ACAN: variants seen among roughly 807,000 people sequenced by gnomAD.
ACAN encodes aggrecan core protein.
ACAN carries 47 observed loss-of-function variants against 169.1 expected under a neutral mutation model. That is an observed-to-expected ratio of 0.28 (90% confidence interval 0.22 to 0.35). The LOEUF is 0.35. Ranked by LOEUF, ACAN falls within the 10% of genes least tolerant of loss-of-function variation. ACAN has a pLI of 1.00. For synonymous variants in ACAN, 1,115 were observed against 1,112.2 expected (o/e 1.00, Z -0.05); for missense variants, 2,716 against 2,759.9 (o/e 0.98, Z 0.36).
chr15:88,852,195 A>G (rs901890144), intron 11 of ACAN, among the ~76,000 whole-genome samples, 162 bp downstream of exon 11: 1 of 152,176 alleles, frequency 6.6e-6, no homozygotes, highest in Non-Finnish European at 1.5e-5. Flanking sequence ...CAGCCACCTC[A>G]GCTGGCCTCT....
At chr15:88,845,428 A>G in intron 6 of ACAN, 77 bp from the exon 7 acceptor site, 1 of 1,514,868 alleles carries the variant, frequency 6.6e-7, no homozygotes, top group Non-Finnish European at 8.9e-7. Flanking sequence ...AGCCATGCTC[A>G]TCTCCAGCCC....
At chr15:88,826,706 G>A (rs1207548429) in intron 1 of ACAN, among the ~76,000 whole-genome samples, 1 of 152,148 alleles carries the variant, frequency 6.6e-6, no homozygotes, top group Non-Finnish European at 1.5e-5. Flanking sequence ...GAACTAATTA[G>A]TGATGCATTT....
rs532759557 is a variant in ACAN at position 88,852,690 on chromosome 15, A to C, written c.2266+657A>C. The stretch of plus-strand genomic sequence containing the variant: ...ACCTTCTCAGAGCCTTGAATGTGCT[A>C]ATGTGCACTGTGAGTCTCCAAGAGG... On this transcript the variant is annotated intron_variant, in intron 11 of 18. Coordinates refer to ENST00000560601, the MANE Select transcript of ACAN (RefSeq NM_001369268.1). Among the ~76,000 whole-genome samples, 21 of 152,324 alleles carry C rather than the reference A, an allele frequency of 1.4e-4. No individual in the cohort carries two copies. The South Asian group carries it at 4.4e-3, about 32-fold the overall frequency.
At chr15:88,813,833 C>A (rs1396034022) in intron 1 of ACAN, among the ~76,000 whole-genome samples, 1 of 151,366 alleles carries the variant, frequency 6.6e-6, no homozygotes, top group African/African-American at 2.4e-5. Flanking sequence ...TCTTCTCAGC[C>A]ACTAGGGTCC....
chr15:88,867,069 G>C (rs1459766787), intron 13 of ACAN, among the ~76,000 whole-genome samples: 1 of 152,142 alleles, frequency 6.6e-6, no homozygotes, highest in Non-Finnish European at 1.5e-5. Context: ...TGTTCCCAGG[G>C]GAGGAAACCA....
At chr15:88,836,553 T>A (rs1362885858) in intron 2 of ACAN, among the ~76,000 whole-genome samples, 3 of 152,178 alleles carry the variant, frequency 2.0e-5, no homozygotes, top group African/African-American at 7.2e-5. Flanking sequence ...GCAGGTGCCC[T>A]CCTTCCCTCC....
chr15:88,852,108 CG>C (rs977810593), intron 11 of ACAN, 75 bp downstream of exon 11: 183 of 1,506,950 alleles, frequency 1.2e-4, no homozygotes, highest in Middle Eastern at 7.0e-4. Flanking sequence ...CCTGGTGGGG[CG>C]GGGGGGTTCC....
Position 88,873,833 on chromosome 15 carries a change from G to T in ACAN, c.7448-9G>T. On this transcript the variant is annotated splice_polypyrimidine_tract_variant and intron_variant, in intron 17 of 18. Coordinates refer to ENST00000560601, the MANE Select transcript of ACAN (RefSeq NM_001369268.1). This position sits in a 1 kb window ranked among gnomAD's most constrained non-coding sequence, Gnocchi z 7.5. ...ATGAGACCCTTTATAAAGGGTGTTTGCCCCTCAGTGGCCTGCGGAGAGCCC... is the reference window on the plus strand; with the variant it reads ...ATGAGACCCTTTATAAAGGGTGTTTTCCCCTCAGTGGCCTGCGGAGAGCCC... 6.2e-7 allele frequency: 1 copy of T among 1,613,292 alleles called. No individual in the cohort carries two copies. Among genetic ancestry groups the T allele is most frequent in the Non-Finnish European group, 8.5e-7 (1 of 1,179,688 alleles).
intron 1 of ACAN, among the ~76,000 whole-genome samples, chr15:88,805,592 C>T (rs1415822698): frequency 6.6e-6 from 1 of 152,138 alleles, no homozygotes; most frequent in Non-Finnish European, 1.5e-5. Context: ...AGGTGCCAGG[C>T]TCTGTGCTCA....
chr15:88,858,838 G>C lies in ACAN; in HGVS notation c.6253G>C (p.Val2085Leu). The C allele has an allele frequency of 6.2e-7, 1 of 1,613,626 alleles. No homozygotes were observed. The highest frequency in any genetic ancestry group is 8.5e-7 in the Non-Finnish European group (1 of 1,179,750). The change falls in exon 12 of 19, where the codon GTG becomes CTG. Residue 2085 changes from valine to leucine, a missense_variant. Val to Leu is a conservative substitution (Grantham distance 32, BLOSUM62 1). Coordinates refer to ENST00000560601, the MANE Select transcript of ACAN (RefSeq NM_001369268.1). This position sits in a 1 kb window ranked among gnomAD's most constrained non-coding sequence, Gnocchi z 4.0. ...TGGGGACATTAGTGGAGCTACCCCA[G>C]TGCTCCCTGGGTCTGGAGTAGAAGT... ...TAGDISGATP[V>L]LPGSGVEVSS...
intron 1 of ACAN, among the ~76,000 whole-genome samples, chr15:88,828,746 T>C (rs145274980): frequency 1.3e-5 from 2 of 152,246 alleles, no homozygotes; most frequent in South Asian, 2.1e-4. Flanking sequence ...GGAGCTGGCA[T>C]TTGGAATCTC....
intron 13 of ACAN, among the ~76,000 whole-genome samples, chr15:88,862,040 T>A (rs1353312474): frequency 6.6e-6 from 1 of 152,170 alleles, no homozygotes; most frequent in Non-Finnish European, 1.5e-5. Context: ...GTGGATTGAA[T>A]CAAGAATCAA....
chr15:88,848,136 C>T, intron 9 of ACAN, 98 bp downstream of exon 9: 1 of 1,503,062 alleles, frequency 6.7e-7, no homozygotes, highest in Admixed American at 1.9e-5. Flanking sequence ...TACCACCCAC[C>T]CACCCCTGAT....
chr15:88,859,715 C>T (rs1315772914), intron 12 of ACAN, among the ~76,000 whole-genome samples: 4 of 152,234 alleles, frequency 2.6e-5, no homozygotes, highest in Non-Finnish European at 4.4e-5. Flanking sequence ...ATCGTTACAG[C>T]GGAGTTACAG....
intron 1 of ACAN, among the ~76,000 whole-genome samples, chr15:88,827,325 G>C (rs891241009): frequency 6.6e-6 from 1 of 152,248 alleles, no homozygotes; most frequent in Non-Finnish European, 1.5e-5. Context: ...ATGATCCCTA[G>C]GCTAAAATAG....
chr15:88,816,079 C>T (rs781045326), intron 1 of ACAN, among the ~76,000 whole-genome samples: 53 of 152,210 alleles, frequency 3.5e-4, no homozygotes, highest in African/African-American at 1.3e-3. Flanking sequence ...ACTTGGTGAT[C>T]TCCCTGTGTG....
intron 1 of ACAN, among the ~76,000 whole-genome samples, chr15:88,820,716 C>A (rs1051336136): frequency 5.9e-5 from 9 of 152,152 alleles, no homozygotes; most frequent in African/African-American, 1.9e-4. Context: ...TCTCAACTCC[C>A]AGAGCCCGCT....
chr15:88,857,661 A>G lies in ACAN; in HGVS notation c.5076A>G (p.Ile1692Met). Residue 1692 changes from isoleucine to methionine, a missense_variant, in exon 12 of 19, where the codon ATA becomes ATG. Physicochemically the swap from Ile to Met is conservative, Grantham distance 10 (BLOSUM62 1). Around this residue, in one of 3 missense-constraint regions of ACAN, gnomAD observed 1,389 missense variants for 1,363.7 expected, o/e 1.02. Coordinates refer to ENST00000560601, the MANE Select transcript of ACAN (RefSeq NM_001369268.1). Reference sequence around the variant, plus strand: ...TTGGCATCAGTGGTGCAGGAGAAATATCTGGACTGCCCTCCAGTGAGCTGG... The same window carrying G: ...TTGGCATCAGTGGTGCAGGAGAAATGTCTGGACTGCCCTCCAGTGAGCTGG... ...GTIGISGAGE[I>M]SGLPSSELDI... The G allele has an allele frequency of 6.2e-7, 1 of 1,614,036 alleles. No individual in the cohort carries two copies. Among genetic ancestry groups the G allele is most frequent in the Middle Eastern group, 1.6e-4 (1 of 6,062 alleles).
In ACAN at chr15:88,841,726, C is replaced by T. The variant is rs1447198421; in HGVS notation, c.630-14C>T. 1.4e-5 allele frequency: 22 copies of T among 1,613,638 alleles called. No homozygotes were observed. The highest frequency in any genetic ancestry group is 1.7e-5 in the Non-Finnish European group (20 of 1,179,790). ...TCCCCTGAGTGTCACACCTCCATTTCGGGTTCCTGGCAGATACCCCATCCA... is the reference window on the plus strand; with the variant it reads ...TCCCCTGAGTGTCACACCTCCATTTTGGGTTCCTGGCAGATACCCCATCCA... On this transcript the variant is annotated splice_polypyrimidine_tract_variant and intron_variant, in intron 4 of 18. Transcript: ENST00000560601.
Sources: gnomAD v4.1 joint callset for allele counts (sites outside exome capture counted in the v4.1 genomes callset) on GRCh38, gnomAD v4.1.1 for gene constraint, gnomAD v4.1.1 regional missense constraint, Gnocchi (gnomAD v3.1) non-coding constraint, MANE v1.5 for transcripts, NCBI Gene and HGNC (gene_info 2026-07-23, HGNC 2026-07-21) for gene names.